LRRTM4: variants seen among roughly 807,000 people sequenced by gnomAD.
LRRTM4 encodes leucine rich repeat transmembrane neuronal 4.
LRRTM4 carries 25 observed loss-of-function variants against 47.6 expected under a neutral mutation model. The ratio of observed to expected loss-of-function variants is 0.53; its 90% confidence interval spans 0.38 to 0.73. The LOEUF (loss-of-function observed/expected upper bound fraction) is 0.73. Ranked by LOEUF, LRRTM4 falls within the 30% of genes least tolerant of loss-of-function variation. The pLI is 0.00. For synonymous variants in LRRTM4, 311 were observed against 269.5 expected (o/e 1.15, Z -1.51); for missense variants, 638 against 713.4 (o/e 0.89, Z 1.20).
At chr2:76,903,865 T>G (rs1183875950) in intron 3 of LRRTM4, among the ~76,000 whole-genome samples, 2 of 149,642 alleles carry the variant, frequency 1.3e-5, no homozygotes, top group Non-Finnish European at 2.9e-5. Context: ...ATTATGTATA[T>G]TTTTTACTAT....
At chr2:76,985,121 T>C (rs1052670453) in intron 3 of LRRTM4, among the ~76,000 whole-genome samples, 1 of 152,004 alleles carries the variant, frequency 6.6e-6, no homozygotes, top group Admixed American at 6.6e-5. Flanking sequence ...CCAAAAGGAA[T>C]TCTTTATCTT....
intron 3 of LRRTM4, among the ~76,000 whole-genome samples, chr2:76,859,630 A>G (rs540847817): frequency 9.2e-5 from 14 of 152,288 alleles, no homozygotes; most frequent in South Asian, 8.3e-4. Flanking sequence ...AAAAAGTTAC[A>G]TAAAAGTTTG....
intron 3 of LRRTM4, among the ~76,000 whole-genome samples, chr2:76,946,001 G>A (rs190189040): frequency 1.3e-5 from 2 of 151,758 alleles, no homozygotes; most frequent in Admixed American, 6.6e-5. Context: ...AACTTTTCAA[G>A]CTTCTTGAAA....
chr2:77,231,179 A>G (rs1674953199), intron 3 of LRRTM4, among the ~76,000 whole-genome samples: 1 of 151,982 alleles, frequency 6.6e-6, no homozygotes, highest in South Asian at 2.1e-4. Flanking sequence ...CCATGGCGTG[A>G]GGATAAACAG....
intron 3 of LRRTM4, among the ~76,000 whole-genome samples, chr2:76,960,548 T>C (rs1464073874): frequency 6.6e-6 from 1 of 150,470 alleles, no homozygotes; most frequent in Non-Finnish European, 1.5e-5. Flanking sequence ...TCCAGCTGCA[T>C]GTGGTATCTT....
At chr2:77,068,446 A>T (rs1680034174) in intron 3 of LRRTM4, among the ~76,000 whole-genome samples, 1 of 152,202 alleles carries the variant, frequency 6.6e-6, no homozygotes, top group Non-Finnish European at 1.5e-5. Flanking sequence ...AGAAACTGCT[A>T]GCATTCATTT....
chr2:77,404,891 G>A (rs1674121099), intron 3 of LRRTM4, among the ~76,000 whole-genome samples: 1 of 152,002 alleles, frequency 6.6e-6, no homozygotes, highest in Non-Finnish European at 1.5e-5. Flanking sequence ...TTAAAAAATA[G>A]CATTTAGTTA....
chr2:76,909,296 G>C (rs1355952566), intron 3 of LRRTM4, among the ~76,000 whole-genome samples: 3 of 152,180 alleles, frequency 2.0e-5, no homozygotes, highest in African/African-American at 7.2e-5. Flanking sequence ...GCCATATGTA[G>C]AAAGCTGAAA....
intron 3 of LRRTM4, among the ~76,000 whole-genome samples, chr2:76,849,970 T>C (rs564236818): frequency 2.6e-5 from 4 of 152,300 alleles, no homozygotes; most frequent in African/African-American, 9.6e-5. Context: ...AGTTAATTTC[T>C]AGGGCATAGG....
intron 3 of LRRTM4, among the ~76,000 whole-genome samples, chr2:77,148,229 T>G (rs932827094): frequency 6.6e-6 from 1 of 152,186 alleles, no homozygotes; most frequent in African/African-American, 2.4e-5. Context: ...GCTGTTGATT[T>G]CAGCTTGGCA....
chr2:77,451,771 T>A (rs1676264128), intron 3 of LRRTM4, among the ~76,000 whole-genome samples: 1 of 152,054 alleles, frequency 6.6e-6, no homozygotes, highest in African/African-American at 2.4e-5. Context: ...CATGGTGTAG[T>A]GGAACAAAAG....
chr2:77,435,963 T>C (rs903131905), intron 3 of LRRTM4, among the ~76,000 whole-genome samples: 1 of 152,206 alleles, frequency 6.6e-6, no homozygotes, highest in Non-Finnish European at 1.5e-5. Flanking sequence ...TAGAGAATTA[T>C]TGATTCATTT....
At chr2:77,071,924 G>C (rs1162336018) in intron 3 of LRRTM4, among the ~76,000 whole-genome samples, 1 of 152,142 alleles carries the variant, frequency 6.6e-6, no homozygotes, top group African/African-American at 2.4e-5. Flanking sequence ...GCCACATCGG[G>C]CTAGTGGGTG....
Position 77,521,704 on chromosome 2 carries a change from T to C in LRRTM4, c.-33A>G, listed in dbSNP as rs1350765539. The C allele has an allele frequency of 1.9e-6, 3 of 1,611,934 alleles. No homozygotes were observed. Among genetic ancestry groups the C allele is most frequent in the Non-Finnish European group, 2.5e-6 (3 of 1,178,980 alleles). ...CATCCAAAAACGTTTCCCCCCTCTC[T>C]CAGCTTTCTTCTTATTTGGTCTCTT... is the stretch of plus-strand genomic sequence containing the variant. On this transcript the variant is annotated 5_prime_UTR_variant, in exon 2 of 4. Transcript: ENST00000409884.
intron 3 of LRRTM4, among the ~76,000 whole-genome samples, chr2:77,435,449 A>G (rs971121534): frequency 6.6e-6 from 1 of 152,206 alleles, no homozygotes; most frequent in Non-Finnish European, 1.5e-5. Context: ...CAATTATCCT[A>G]TATGTGCATA....
chr2:76,841,958 T>G (rs2103936276), intron 3 of LRRTM4, among the ~76,000 whole-genome samples: 1 of 152,264 alleles, frequency 6.6e-6, no homozygotes, highest in African/African-American at 2.4e-5. Context: ...AATTTGGACA[T>G]TTCTTGTGAT....
intron 3 of LRRTM4, among the ~76,000 whole-genome samples, chr2:77,015,248 A>T (rs1678016654): frequency 6.6e-6 from 1 of 151,822 alleles, no homozygotes; most frequent in Non-Finnish European, 1.5e-5. Context: ...ACGTAAGCCA[A>T]CTCCTTGCAA....
intron 3 of LRRTM4, among the ~76,000 whole-genome samples, chr2:77,347,766 C>T: frequency 6.6e-6 from 1 of 151,906 alleles, no homozygotes; most frequent in Non-Finnish European, 1.5e-5. Context: ...TGTTCATGAA[C>T]CTGTATCACT....
chr2:76,958,297 A>C (rs1034541862), intron 3 of LRRTM4, among the ~76,000 whole-genome samples: 1 of 151,768 alleles, frequency 6.6e-6, no homozygotes. Flanking sequence ...GAAACTCTTG[A>C]TTGCTGAAAG....
Sources: allele counts gnomAD v4.1 joint callset (sites outside exome capture counted in the v4.1 genomes callset), GRCh38; gene constraint gnomAD v4.1.1; transcripts MANE v1.5; gene names NCBI Gene and HGNC (gene_info 2026-07-23, HGNC 2026-07-21).